Variants in NTRK2 observed in about 807,000 individuals in gnomAD.
The protein encoded by NTRK2 is neurotrophic receptor tyrosine kinase 2, also known as BDNF/NT-3 growth factors receptor.
NTRK2 carries 13 observed loss-of-function variants against 94.5 expected under a neutral mutation model. That is an observed-to-expected ratio of 0.14 (90% CI 0.09 to 0.22). NTRK2 has a LOEUF of 0.22. NTRK2 is among the 10% of genes least tolerant of loss of function. The pLI is 1.00. For synonymous variants in NTRK2, 372 were observed against 407.4 expected (o/e 0.91, Z 1.05); for missense variants, 639 against 1,071.2 (o/e 0.60, Z 5.63).
intron 2 of NTRK2, among the ~76,000 whole-genome samples, chr9:84,690,603 C>CA (rs978962912): frequency 4.7e-4 from 72 of 151,860 alleles, no homozygotes; most frequent in African/African-American, 1.6e-3. Context: ...CCTGTGGTCC[C>CA]AGCTACTTGG....
At chr9:84,917,427 T>C (rs2132542859) in intron 14 of NTRK2, among the ~76,000 whole-genome samples, 1 of 152,240 alleles carries the variant, frequency 6.6e-6, no homozygotes, top group South Asian at 2.1e-4. Context: ...GGGCAGCTTC[T>C]TGGTTGCAAT....
In NTRK2 at chr9:84,786,998, T is replaced by TA. The variant is rs201186314; in HGVS notation, c.1396+34921dup. 3.3e-5 allele frequency among the ~76,000 whole-genome samples: 5 copies of TA among 151,862 alleles called. No homozygotes were observed. The East Asian group carries it at 7.7e-4, about 23-fold the overall frequency. On this transcript the variant is annotated intron_variant, in intron 12 of 18. Coordinates refer to ENST00000277120, the MANE Select transcript of NTRK2 (RefSeq NM_006180.6). The stretch of plus-strand genomic sequence containing the variant: ...TGGTGCTATCAAAGACAATGCAGAT[T>TA]AAAAAAAATGACCAGTCAGGTGGGC...
chr9:84,894,853 C>T (rs891442434), intron 14 of NTRK2, among the ~76,000 whole-genome samples: 1 of 152,104 alleles, frequency 6.6e-6, no homozygotes, highest in African/African-American at 2.4e-5. Flanking sequence ...TAGCTACAGA[C>T]AAAGCTCAAT....
intron 12 of NTRK2, among the ~76,000 whole-genome samples, chr9:84,788,869 A>G (rs1396272697): frequency 6.6e-6 from 1 of 152,126 alleles, no homozygotes; most frequent in Non-Finnish European, 1.5e-5. Context: ...GTGAGAAACA[A>G]GGAATTAGAA....
intron 17 of NTRK2, among the ~76,000 whole-genome samples, chr9:84,968,126 G>A (rs1289331847): frequency 1.3e-5 from 2 of 152,162 alleles, no homozygotes; most frequent in Admixed American, 6.5e-5. Context: ...CCAATTTACT[G>A]ATGAGAAAAA....
chr9:84,860,506 G>A (rs1182573661), intron 12 of NTRK2, among the ~76,000 whole-genome samples: 2 of 152,030 alleles, frequency 1.3e-5, no homozygotes, highest in African/African-American at 2.4e-5. Context: ...ACTCTCCCAC[G>A]GGATTTTGTG....
intron 17 of NTRK2, among the ~76,000 whole-genome samples, chr9:84,978,894 G>C (rs1263072912): frequency 6.6e-6 from 1 of 152,136 alleles, no homozygotes; most frequent in Non-Finnish European, 1.5e-5. Flanking sequence ...TCTATAAATG[G>C]AACAACAAAG....
chr9:84,968,453 T>C (rs1396336972), intron 17 of NTRK2, among the ~76,000 whole-genome samples: 1 of 152,184 alleles, frequency 6.6e-6, no homozygotes, highest in Non-Finnish European at 1.5e-5. Context: ...TTCAGAACCA[T>C]GGCTTTTTAG....
intron 12 of NTRK2, among the ~76,000 whole-genome samples, chr9:84,752,339 T>C (rs926041068): frequency 6.6e-6 from 1 of 152,200 alleles, no homozygotes; most frequent in Non-Finnish European, 1.5e-5. Flanking sequence ...AAGGGACTAA[T>C]AAAGATATGA....
At chr9:84,749,659 A>T (rs1431167591) in intron 11 of NTRK2, among the ~76,000 whole-genome samples, 1 of 152,216 alleles carries the variant, frequency 6.6e-6, no homozygotes. Flanking sequence ...TTCCAAACCC[A>T]TTACCTGCAT....
At chr9:84,828,456 A>G (rs911827137) in intron 12 of NTRK2, among the ~76,000 whole-genome samples, 1 of 152,176 alleles carries the variant, frequency 6.6e-6, no homozygotes, top group African/African-American at 2.4e-5. Context: ...AGGGAGATTC[A>G]GGATTCAGGT....
intron 17 of NTRK2, among the ~76,000 whole-genome samples, chr9:84,974,089 T>A (rs1826511199): frequency 6.6e-6 from 1 of 152,222 alleles, no homozygotes; most frequent in African/African-American, 2.4e-5. Context: ...TATCCCCATA[T>A]TAGAGAAGAA....
intron 17 of NTRK2, 178 bp downstream of exon 17, chr9:84,955,695 G>A (rs1399725588): frequency 5.7e-6 from 4 of 703,606 alleles, no homozygotes; most frequent in Admixed American, 4.0e-5. Context: ...AGTGGGATTG[G>A]TTCCTCCTGA....
At chr9:84,785,833 A>C (rs1427571655) in intron 12 of NTRK2, among the ~76,000 whole-genome samples, 1 of 152,316 alleles carries the variant, frequency 6.6e-6, no homozygotes, top group Admixed American at 6.5e-5. Flanking sequence ...AACTCTTCTT[A>C]AAACATAAAT....
intron 12 of NTRK2, among the ~76,000 whole-genome samples, chr9:84,764,555 C>T (rs1014104212): frequency 2.1e-4 from 32 of 152,246 alleles, no homozygotes; most frequent in African/African-American, 7.7e-4. Flanking sequence ...AAAAAAGTTA[C>T]AGTTAATAGG....
chr9:84,878,599 A>C (rs1307466152), intron 14 of NTRK2, among the ~76,000 whole-genome samples: 1 of 150,358 alleles, frequency 6.7e-6, no homozygotes. Flanking sequence ...ATGCCACTGC[A>C]CTCCAGCCTG....
chr9:84,814,919 G>T (rs2072225025), intron 12 of NTRK2: 2 of 1,060,290 alleles, frequency 1.9e-6, no homozygotes, highest in African/African-American at 3.3e-5. Flanking sequence ...AGTGTGTTCT[G>T]CTATGTTCAC....
intron 2 of NTRK2, among the ~76,000 whole-genome samples, chr9:84,696,575 A>G (rs979351274): frequency 6.6e-6 from 1 of 152,188 alleles, no homozygotes; most frequent in Admixed American, 6.5e-5. Context: ...TAGGAAACGG[A>G]GATCAGTGAG....
intron 14 of NTRK2, chr9:84,876,407 A>G (rs1159670074): frequency 9.5e-7 from 1 of 1,054,068 alleles, no homozygotes. Flanking sequence ...TTATGTTTTC[A>G]TGCTCAATAC....
Sources: allele counts gnomAD v4.1 joint callset (sites outside exome capture counted in the v4.1 genomes callset), GRCh38; gene constraint gnomAD v4.1.1; transcripts MANE v1.5; gene names NCBI Gene and HGNC (gene_info 2026-07-23, HGNC 2026-07-21).